The following GPC6 variants were observed in gnomAD, a reference collection of about 807,000 sequenced individuals.
The protein encoded by GPC6 is glypican 6.
A neutral mutation model predicts 55.2 loss-of-function variants in GPC6; 14 were observed. The ratio of observed to expected loss-of-function variants is 0.25; its 90% CI spans 0.17 to 0.40. The LOEUF (loss-of-function observed/expected upper bound fraction) is 0.40. Among genes scored for constraint, GPC6 ranks in the 10% least tolerant of loss-of-function variants. The pLI is 1.00. For missense variants in GPC6, 641 were observed against 708.5 expected, an observed-to-expected ratio of 0.90 and a Z score of 1.08; for synonymous variants, 278 against 259.6, an observed-to-expected ratio of 1.07 and a Z score of -0.68.
intron 4 of GPC6, among the ~76,000 whole-genome samples, chr13:94,149,247 G>T (rs1164974113): frequency 1.3e-5 from 2 of 152,062 alleles, no homozygotes; most frequent in African/African-American, 4.8e-5. Context: ...AACAAAGAGA[G>T]CCCCGAAGTC....
chr13:93,809,261 G>A (rs886524487), intron 2 of GPC6, among the ~76,000 whole-genome samples: 7 of 152,152 alleles, frequency 4.6e-5, no homozygotes, highest in Non-Finnish European at 7.3e-5. Context: ...CAGGATCAGT[G>A]ACCATACGCA....
chr13:94,109,028 A>G (rs1308908488), intron 4 of GPC6, among the ~76,000 whole-genome samples: 1 of 152,028 alleles, frequency 6.6e-6, no homozygotes, highest in African/African-American at 2.4e-5. Flanking sequence ...CACCTTTATT[A>G]TGTTTCCCCT....
intron 1 of GPC6, among the ~76,000 whole-genome samples, chr13:93,419,902 A>G (rs1370608081): frequency 6.6e-6 from 1 of 152,144 alleles, no homozygotes; most frequent in Non-Finnish European, 1.5e-5. Flanking sequence ...TGTCTATTAT[A>G]TTGGGAGGGA....
intron 4 of GPC6, among the ~76,000 whole-genome samples, chr13:94,074,775 A>C (rs1884850311): frequency 6.6e-6 from 1 of 152,232 alleles, no homozygotes; most frequent in Non-Finnish European, 1.5e-5. Flanking sequence ...GATGATCTAC[A>C]TAACCATGAC....
At chr13:93,693,614 G>A (rs1882342806) in intron 2 of GPC6, among the ~76,000 whole-genome samples, 1 of 152,004 alleles carries the variant, frequency 6.6e-6, no homozygotes, top group South Asian at 2.1e-4. Flanking sequence ...GAGCAGCTGG[G>A]ACTACGGGCA....
chr13:94,090,083 G>GAA (rs1322422884), intron 4 of GPC6, among the ~76,000 whole-genome samples: 2 of 2,700 alleles, frequency 7.4e-4, no homozygotes, highest in Admixed American at 0.013. Flanking sequence ...AATTTATAAA[G>GAA]AAAAAGGTTT....
At chr13:93,945,206 T>G (rs1878946867) in intron 3 of GPC6, among the ~76,000 whole-genome samples, 1 of 152,234 alleles carries the variant, frequency 6.6e-6, no homozygotes, top group Non-Finnish European at 1.5e-5. Flanking sequence ...CAAAGGATTA[T>G]ATAGTACACC....
intron 2 of GPC6, among the ~76,000 whole-genome samples, chr13:93,805,676 T>A (rs1180687911): frequency 1.3e-5 from 2 of 152,192 alleles, no homozygotes; most frequent in Admixed American, 1.3e-4. Context: ...ATTAAATATA[T>A]TTGTTTGCGT....
intron 3 of GPC6, among the ~76,000 whole-genome samples, chr13:93,981,883 A>G (rs943726080): frequency 2.6e-5 from 4 of 152,122 alleles, no homozygotes; most frequent in Non-Finnish European, 5.9e-5. Flanking sequence ...ATCTTCAACA[A>G]TGTTTTATTT....
rs113437875 is a variant in GPC6, at chr13:93,412,880, C to T, written c.161-132383C>T. On this transcript the variant is annotated intron_variant, in intron 1 of 8. Transcript: ENST00000377047. ...TGTGAATCCTAGTGCCACTTTTTAC[C>T]CCCTCCCACAGACCTGCAATGATTA... 2.6e-4 allele frequency among the ~76,000 whole-genome samples: 39 copies of T among 152,104 alleles called. 1 individual carries two copies. The highest frequency in any genetic ancestry group is 8.9e-4 in the African/African-American group (37 of 41,500).
At chr13:94,313,866 T>G (rs1876384457) in intron 6 of GPC6, among the ~76,000 whole-genome samples, 1 of 152,222 alleles carries the variant, frequency 6.6e-6, no homozygotes, top group Non-Finnish European at 1.5e-5. Context: ...AATAGGGCTA[T>G]TAGAGATTTT....
Position 94,382,370 on chromosome 13 carries a change from G to A in GPC6, c.1153-44G>A, listed in dbSNP as rs746177370. The A allele has an allele frequency of 3.7e-6, 6 of 1,611,168 alleles. No homozygotes were observed. In the East Asian group the frequency reaches 1.3e-4, roughly 36 times the overall value. ...ACGTCCTTGTGTAGAAATGGGGAAA[G>A]CCTGAGCAGAATACTCACTTGCTTT... On this transcript the variant is annotated intron_variant, in intron 6 of 8. Transcript: ENST00000377047.
chr13:93,416,364 A>G (rs558772538), intron 1 of GPC6, among the ~76,000 whole-genome samples: 11 of 152,144 alleles, frequency 7.2e-5, no homozygotes, highest in South Asian at 2.1e-4. Flanking sequence ...ACTTTAATAC[A>G]TTATCACATT....
At chr13:93,887,319 T>G (rs2140314767) in intron 3 of GPC6, among the ~76,000 whole-genome samples, 1 of 152,150 alleles carries the variant, frequency 6.6e-6, no homozygotes, top group South Asian at 2.1e-4. Context: ...ATCTCAAACA[T>G]GACAATTGAT....
intron 1 of GPC6, among the ~76,000 whole-genome samples, chr13:93,242,847 C>T (rs940921984): frequency 1.7e-4 from 26 of 152,214 alleles, no homozygotes; most frequent in South Asian, 4.2e-4. Context: ...CCTGCTGTTC[C>T]TCTGGGTCTA....
intron 1 of GPC6, among the ~76,000 whole-genome samples, chr13:93,246,939 G>A (rs554185808): frequency 6.6e-6 from 1 of 150,730 alleles, no homozygotes; most frequent in South Asian, 2.1e-4. Context: ...CCATGATTGG[G>A]AGTTTTTCAA....
intron 1 of GPC6, among the ~76,000 whole-genome samples, chr13:93,541,975 C>G (rs1482747118): frequency 2.0e-5 from 3 of 152,034 alleles, no homozygotes; most frequent in Non-Finnish European, 1.5e-5. Flanking sequence ...TTGTAGGTTG[C>G]CTGTTCACTC....
At chr13:94,155,036 C>T (rs1307766661) in intron 4 of GPC6, among the ~76,000 whole-genome samples, 1 of 152,124 alleles carries the variant, frequency 6.6e-6, no homozygotes, top group Non-Finnish European at 1.5e-5. Context: ...TGCATTGGTC[C>T]TTTAGTCCGG....
rs1055328096 is a variant in GPC6, at chr13:93,521,030, A to G, written c.161-24233A>G. Among the ~76,000 whole-genome samples, 18 of 152,004 alleles carry G rather than the reference A, an allele frequency of 1.2e-4. 1 individual carries two copies. Among genetic ancestry groups the G allele is most frequent in the African/African-American group, 4.1e-4 (17 of 41,430 alleles). ...GAACTTTAGTAATCTAATTGTGATT[A>G]TCAATGGAAATGTACACGTATATGT... On this transcript the variant is annotated intron_variant, in intron 1 of 8. Transcript: ENST00000377047.
Sources: gnomAD v4.1 joint callset for allele counts (sites outside exome capture counted in the v4.1 genomes callset) on GRCh38, gnomAD v4.1.1 for gene constraint, MANE v1.5 for transcripts, NCBI Gene and HGNC (gene_info 2026-07-23, HGNC 2026-07-21) for gene names.